The following SLCO1B1 variants were observed in gnomAD, a reference collection of about 807,000 sequenced individuals.
SLCO1B1 encodes solute carrier organic anion transporter family member 1B1.
Under a neutral mutation model 70.1 loss-of-function variants are expected in SLCO1B1, and 81 were observed. That is an observed-to-expected ratio of 1.16 (90% CI 0.97 to 1.39). The LOEUF is 1.39. Ranked by LOEUF, SLCO1B1 falls within the 40% of genes most tolerant of loss-of-function variation. The pLI is 0.00. For synonymous variants in SLCO1B1, 283 were observed against 271.5 expected (o/e 1.04, Z -0.42); for missense variants, 895 against 799.6 (o/e 1.12, Z -1.44).
intron 2 of SLCO1B1, among the ~76,000 whole-genome samples, chr12:21,153,380 T>A (rs1053256500): frequency 1.3e-5 from 2 of 152,164 alleles, no homozygotes; most frequent in African/African-American, 4.8e-5. Flanking sequence ...TAACATTTTC[T>A]TCAAATATTT....
chr12:21,134,851 G>T (rs1309315944), intron 1 of SLCO1B1, among the ~76,000 whole-genome samples: 19 of 151,978 alleles, frequency 1.3e-4, no homozygotes, highest in South Asian at 4.1e-4. Context: ...TGCTCTGATG[G>T]TAGTTATTTC....
chr12:21,159,972 G>A (rs1940592644), intron 2 of SLCO1B1, among the ~76,000 whole-genome samples: 1 of 151,842 alleles, frequency 6.6e-6, no homozygotes, highest in African/African-American at 2.4e-5. Flanking sequence ...AGAAATTAGA[G>A]ATGAAACAAA....
intron 2 of SLCO1B1, among the ~76,000 whole-genome samples, chr12:21,162,158 C>T (rs1940627528): frequency 2.6e-5 from 4 of 151,732 alleles, no homozygotes; most frequent in Admixed American, 2.0e-4. Flanking sequence ...TACATGTGTA[C>T]TTATTGATGT....
At chr12:21,164,804 C>T (rs938790813) in intron 2 of SLCO1B1, 3 of 484,902 alleles carry the variant, frequency 6.2e-6, no homozygotes, top group Admixed American at 4.3e-5. Flanking sequence ...TCTTTAAGAA[C>T]TTTAACCTGT....
chr12:21,196,833 A>C (rs1565679306), intron 7 of SLCO1B1, 113 bp from the exon 8 acceptor site: 2 of 1,112,364 alleles, frequency 1.8e-6, no homozygotes, highest in East Asian at 2.4e-5. Flanking sequence ...AAAAGAAAAA[A>C]ATCGTGTCTT....
intron 14 of SLCO1B1, among the ~76,000 whole-genome samples, chr12:21,232,742 A>T (rs1412905960): frequency 3.3e-5 from 2 of 61,410 alleles, no homozygotes; most frequent in East Asian, 5.1e-3. Flanking sequence ...AGACAGAGAA[A>T]GACAGAGACA....
intron 12 of SLCO1B1, among the ~76,000 whole-genome samples, chr12:21,219,970 A>G (rs1183226923): frequency 6.6e-6 from 1 of 152,168 alleles, no homozygotes; most frequent in Non-Finnish European, 1.5e-5. Flanking sequence ...CACGTTGGCC[A>G]GGCTGGTCTC....
intron 14 of SLCO1B1, among the ~76,000 whole-genome samples, chr12:21,231,652 G>GAC (rs982139327): frequency 6.6e-6 from 1 of 151,476 alleles, no homozygotes; most frequent in Non-Finnish European, 1.5e-5. Context: ...TACACACACA[G>GAC]ACACACACAC....
At position 21,203,642 on chromosome 12, in the gene SLCO1B1, T is replaced by A. The variant is rs542658196; in HGVS notation, c.1331+956T>A. 3.9e-5 allele frequency among the ~76,000 whole-genome samples: 6 copies of A among 152,214 alleles called. No homozygotes were observed. In the South Asian group the frequency reaches 1.2e-3, roughly 32 times the overall value. On this transcript the variant is annotated intron_variant, in intron 10 of 14. Transcript: ENST00000256958. ...CTTGCCAAGGTTATCTGAAATTGTT[T>A]CCCTGCACACTGCTAATTCTGAACT...
chr12:21,215,819 G>T (rs1469264257), intron 11 of SLCO1B1, among the ~76,000 whole-genome samples: 1 of 152,006 alleles, frequency 6.6e-6, no homozygotes, highest in Non-Finnish European at 1.5e-5. Context: ...GTAGAATTTG[G>T]CTATGAATGC....
Position 21,239,405 on chromosome 12 carries a change from T to G in SLCO1B1, c.*216T>G, listed in dbSNP as rs1437496472. Among the ~76,000 whole-genome samples the G allele has an allele frequency of 6.6e-6, 1 of 152,158 alleles. No individual in the cohort carries two copies. The highest frequency in any genetic ancestry group is 1.5e-5 in the Non-Finnish European group (1 of 68,002). On this transcript the variant is annotated 3_prime_UTR_variant, in exon 15 of 15. Coordinates refer to ENST00000256958, the MANE Select transcript of SLCO1B1 (RefSeq NM_006446.5). ...TTACATTATAGCTACATATTTGTGGTTAAGGTTAGACTATATGATCCATAC... is the reference window on the plus strand; with the variant it reads ...TTACATTATAGCTACATATTTGTGGGTAAGGTTAGACTATATGATCCATAC...
chr12:21,170,683 T>C (rs1940746577), intron 2 of SLCO1B1, among the ~76,000 whole-genome samples: 1 of 152,234 alleles, frequency 6.6e-6, no homozygotes, highest in Admixed American at 6.5e-5. Context: ...GATACTCTTC[T>C]ACATTTTATG....
At chr12:21,200,262 A>G (rs976645990) in intron 8 of SLCO1B1, among the ~76,000 whole-genome samples, 1 of 152,184 alleles carries the variant, frequency 6.6e-6, no homozygotes, top group Non-Finnish European at 1.5e-5. Context: ...ACAAAACAGC[A>G]CTTACGTATG....
chr12:21,213,857 C>T (rs1170407962), intron 11 of SLCO1B1, among the ~76,000 whole-genome samples: 15 of 149,854 alleles, frequency 1.0e-4, no homozygotes, highest in Middle Eastern at 3.4e-3. Flanking sequence ...TTGATCGCAT[C>T]GGCTCCTGAG....
intron 14 of SLCO1B1, among the ~76,000 whole-genome samples, chr12:21,233,997 C>T (rs1941570776): frequency 6.6e-6 from 1 of 152,238 alleles, no homozygotes; most frequent in Non-Finnish European, 1.5e-5. Context: ...AAAGATCTTA[C>T]TTATCAAAAC....
chr12:21,205,520 C>T lies in SLCO1B1; in HGVS notation c.1332-348C>T, dbSNP rs78338573. ...GTCATCACCTTACTGAAGAGAAACT[C>T]AGTCTCAGAAAAAAGATGTAACTTA... On this transcript the variant is annotated intron_variant, in intron 10 of 14. Transcript: ENST00000256958. Among the ~76,000 whole-genome samples the T allele has an allele frequency of 5.8e-4, 88 of 151,908 alleles. 1 individual carries two copies. The East Asian group carries it at 0.015, about 26-fold the overall frequency.
intron 2 of SLCO1B1, among the ~76,000 whole-genome samples, chr12:21,154,435 C>T (rs1195996524): frequency 2.0e-5 from 3 of 152,218 alleles, no homozygotes; most frequent in Admixed American, 2.0e-4. Flanking sequence ...ACTTCCCAGG[C>T]TCCAGAGCTG....
intron 2 of SLCO1B1, among the ~76,000 whole-genome samples, chr12:21,160,512 C>T (rs1294202772): frequency 6.6e-6 from 1 of 151,426 alleles, no homozygotes; most frequent in African/African-American, 2.4e-5. Flanking sequence ...AAAAAATCAA[C>T]TCCAGGCAGA....
rs574172684 is a variant in SLCO1B1, at chr12:21,238,288, C to G, written c.1866-691C>G. Among the ~76,000 whole-genome samples the G allele has an allele frequency of 3.9e-5, 6 of 152,044 alleles. No individual in the cohort carries two copies. The East Asian group carries it at 1.2e-3, about 29-fold the overall frequency. On this transcript the variant is annotated intron_variant, in intron 14 of 14. Coordinates refer to ENST00000256958, the MANE Select transcript of SLCO1B1 (RefSeq NM_006446.5). ...CAGAATTTTTTATTTTTAGCATTTT[C>G]TTGGGTTCTTAAAATTTTTATTTTT... is the stretch of plus-strand genomic sequence containing the variant.
Sources: allele counts gnomAD v4.1 joint callset (sites outside exome capture counted in the v4.1 genomes callset), GRCh38; gene constraint gnomAD v4.1.1; transcripts MANE v1.5; gene names NCBI Gene and HGNC (gene_info 2026-07-23, HGNC 2026-07-21).